SUGCT: variants seen among roughly 807,000 people sequenced by gnomAD.
The protein encoded by SUGCT is succinyl-CoA:glutarate-CoA transferase, also known as succinyl-CoA:glutarate CoA-transferase.
In SUGCT, 41 loss-of-function variants were observed where a neutral mutation model predicts 55.0. That is an observed-to-expected ratio of 0.74 (90% confidence interval 0.58 to 0.97). The LOEUF is 0.97. SUGCT is among the 50% of genes least tolerant of loss of function. SUGCT has a pLI of 0.00. For missense variants in SUGCT, 568 were observed against 547.8 expected (o/e 1.04, Z -0.37); for synonymous variants, 187 against 200.4 (o/e 0.93, Z 0.56).
intron 9 of SUGCT, among the ~76,000 whole-genome samples, chr7:40,371,487 C>G (rs765481106): frequency 2.0e-5 from 3 of 152,064 alleles, no homozygotes; most frequent in Non-Finnish European, 4.4e-5. Context: ...GCAACACATG[C>G]TTTTTTGTGC....
chr7:40,804,818 G>GA (rs1161364206), intron 13 of SUGCT, among the ~76,000 whole-genome samples: 2 of 152,104 alleles, frequency 1.3e-5, no homozygotes, highest in Non-Finnish European at 2.9e-5. Context: ...TGCAGAAAAA[G>GA]AAAAAATGTT....
chr7:40,599,123 G>A (rs1036525088), intron 12 of SUGCT, among the ~76,000 whole-genome samples: 3 of 152,098 alleles, frequency 2.0e-5, no homozygotes, highest in African/African-American at 7.2e-5. Context: ...TCTGTTTTGT[G>A]GTCAGATGAG....
chr7:41,027,626 G>A, the SUGCT span, among the ~76,000 whole-genome samples: 2 of 152,116 alleles, frequency 1.3e-5, no homozygotes, highest in East Asian at 3.9e-4. Flanking sequence ...GAGCATCGAA[G>A]GTATTCAGGG....
At chr7:40,607,559 T>G (rs889852473) in intron 12 of SUGCT, among the ~76,000 whole-genome samples, 9 of 152,202 alleles carry the variant, frequency 5.9e-5, no homozygotes, top group African/African-American at 2.2e-4. Context: ...GCAATGTAAG[T>G]GTTCAAGCTT....
At chr7:41,031,588 A>T in the SUGCT span, among the ~76,000 whole-genome samples, 2 of 152,162 alleles carry the variant, frequency 1.3e-5, no homozygotes, top group Non-Finnish European at 2.9e-5. Flanking sequence ...GGGCATCACG[A>T]TCTGACCGTT....
At chr7:40,932,087 T>C in the SUGCT span, among the ~76,000 whole-genome samples, 2 of 152,252 alleles carry the variant, frequency 1.3e-5, no homozygotes, top group African/African-American at 4.8e-5. Flanking sequence ...CTCTACACGC[T>C]GCTTTAAATG....
chr7:40,166,579 T>C (rs561885349), intron 1 of SUGCT, among the ~76,000 whole-genome samples: 1 of 152,196 alleles, frequency 6.6e-6, no homozygotes, highest in East Asian at 1.9e-4. Flanking sequence ...TTCAAACAGC[T>C]AACATTAAAA....
chr7:40,561,533 T>C (rs930712460), intron 12 of SUGCT, among the ~76,000 whole-genome samples: 1 of 152,068 alleles, frequency 6.6e-6, no homozygotes, highest in African/African-American at 2.4e-5. Flanking sequence ...TGCTTGGGGC[T>C]AAAGTTACCA....
At chr7:41,014,539 A>C in the SUGCT span, among the ~76,000 whole-genome samples, 1 of 152,244 alleles carries the variant, frequency 6.6e-6, no homozygotes, top group African/African-American at 2.4e-5. Flanking sequence ...TAAGAAGGGT[A>C]AAAGACTCGC....
At chr7:40,344,194 A>G (rs890786998) in intron 9 of SUGCT, among the ~76,000 whole-genome samples, 1 of 152,216 alleles carries the variant, frequency 6.6e-6, no homozygotes, top group African/African-American at 2.4e-5. Context: ...ACATGAGTTC[A>G]TAGAACGATG....
chr7:40,182,090 CTAAATACCCA>C, intron 3 of SUGCT, 62 bp downstream of exon 3: 1 of 956,706 alleles, frequency 1.0e-6, no homozygotes, highest in Non-Finnish European at 1.6e-6. Flanking sequence ...AAATAATTCT[CTAAATACCCA>C]TGTTTAGTGT....
chr7:40,635,240 C>T (rs1476585499), intron 12 of SUGCT, among the ~76,000 whole-genome samples: 1 of 151,734 alleles, frequency 6.6e-6, no homozygotes, highest in African/African-American at 2.4e-5. Flanking sequence ...GAGCCAAGAT[C>T]GCACCACTGC....
intron 1 of SUGCT, among the ~76,000 whole-genome samples, chr7:40,162,979 G>C (rs1490890849): frequency 1.3e-5 from 2 of 152,150 alleles, no homozygotes; most frequent in Non-Finnish European, 2.9e-5. Context: ...CCCAATCTCA[G>C]TTGCTCAATA....
the SUGCT span, among the ~76,000 whole-genome samples, chr7:40,984,443 C>T: frequency 7.2e-4 from 109 of 152,202 alleles, no homozygotes; most frequent in African/African-American, 2.6e-3. Flanking sequence ...TATAGCCATA[C>T]AGGTGATGAA....
intron 13 of SUGCT, among the ~76,000 whole-genome samples, chr7:40,837,405 T>G (rs992418042): frequency 6.6e-6 from 1 of 152,194 alleles, no homozygotes; most frequent in African/African-American, 2.4e-5. Flanking sequence ...TAACATGATC[T>G]TTCACAGAAC....
At chr7:40,732,006 A>G (rs536063362) in intron 12 of SUGCT, among the ~76,000 whole-genome samples, 14 of 152,320 alleles carry the variant, frequency 9.2e-5, no homozygotes, top group Non-Finnish European at 1.9e-4. Flanking sequence ...ATGAGGATAT[A>G]TCTTGGGAGC....
At chr7:40,170,648 G>A (rs531731139) in intron 1 of SUGCT, among the ~76,000 whole-genome samples, 4 of 150,090 alleles carry the variant, frequency 2.7e-5, no homozygotes, top group South Asian at 4.3e-4. Flanking sequence ...GATTAGTTAC[G>A]CTCACCGATG....
chr7:40,949,209 T>C, the SUGCT span, among the ~76,000 whole-genome samples: 6 of 152,256 alleles, frequency 3.9e-5, no homozygotes, highest in African/African-American at 1.4e-4. Context: ...TGGCCAGTGA[T>C]GATGAGCAGT....
chr7:40,508,054 G>C (rs1233096278), intron 12 of SUGCT, among the ~76,000 whole-genome samples: 2 of 152,162 alleles, frequency 1.3e-5, no homozygotes, highest in Admixed American at 1.3e-4. Context: ...TCCTCAGGCA[G>C]AGCTGGAGAA....
Sources: gnomAD v4.1 joint callset for allele counts (sites outside exome capture counted in the v4.1 genomes callset) on GRCh38, gnomAD v4.1.1 for gene constraint, MANE v1.5 for transcripts, NCBI Gene and HGNC (gene_info 2026-07-23, HGNC 2026-07-21) for gene names.